Variants in KCNIP4 observed in about 807,000 individuals in gnomAD.
KCNIP4 encodes potassium voltage-gated channel interacting protein 4, also known as Kv channel-interacting protein 4.
KCNIP4 carries 12 observed loss-of-function variants against 34.0 expected under a neutral mutation model. That is an observed-to-expected ratio of 0.35 (90% confidence interval 0.23 to 0.57). The LOEUF (loss-of-function observed/expected upper bound fraction) is 0.57. KCNIP4 is among the 20% of genes least tolerant of loss of function. The pLI, the probability that KCNIP4 is intolerant of heterozygous loss-of-function variation, is 0.83. For missense variants in KCNIP4, 238 were observed against 311.7 expected, an observed-to-expected ratio of 0.76 and a Z score of 1.78; for synonymous variants, 124 against 102.2, an observed-to-expected ratio of 1.21 and a Z score of -1.29.
chr4:21,727,203 C>T (rs1303247863), intron 1 of KCNIP4, among the ~76,000 whole-genome samples: 4 of 152,152 alleles, frequency 2.6e-5, no homozygotes, highest in Non-Finnish European at 4.4e-5. Context: ...CATGAGGACT[C>T]TTCCTTTCTG....
chr4:21,268,661 T>C (rs1761961581), intron 1 of KCNIP4, among the ~76,000 whole-genome samples: 1 of 152,208 alleles, frequency 6.6e-6, no homozygotes, highest in Non-Finnish European at 1.5e-5. Context: ...TTCTTTTACA[T>C]GTGGCCTTTG....
intron 1 of KCNIP4, among the ~76,000 whole-genome samples, chr4:20,936,415 T>G (rs1397337456): frequency 4.5e-4 from 3 of 6,680 alleles, no homozygotes; most frequent in Non-Finnish European, 9.8e-4. Context: ...AAAAGATATG[T>G]TTTTTTTTTC....
At chr4:21,742,240 G>T (rs576176484) in intron 1 of KCNIP4, among the ~76,000 whole-genome samples, 1 of 152,132 alleles carries the variant, frequency 6.6e-6, no homozygotes, top group East Asian at 1.9e-4. Context: ...GCATTACATA[G>T]AGAGAGGGTC....
intron 3 of KCNIP4, among the ~76,000 whole-genome samples, chr4:20,835,120 T>C (rs1300627711): frequency 6.6e-6 from 1 of 152,202 alleles, no homozygotes; most frequent in Non-Finnish European, 1.5e-5. Context: ...GTCCTTATCT[T>C]GCTTGTCTGC....
intron 1 of KCNIP4, among the ~76,000 whole-genome samples, chr4:21,012,941 G>A (rs112724049): frequency 6.6e-6 from 1 of 152,284 alleles, no homozygotes; most frequent in African/African-American, 2.4e-5. Context: ...TAATTCCAAG[G>A]TGTGACTCAC....
At chr4:20,731,499 A>AT (rs993567519) in intron 8 of KCNIP4, 69 of 984,678 alleles carry the variant, frequency 7.0e-5, no homozygotes, top group Admixed American at 6.2e-5. Context: ...TCCACTGTTT[A>AT]TTTTTTGTGA....
intron 1 of KCNIP4, among the ~76,000 whole-genome samples, chr4:21,289,017 G>T (rs1255754878): frequency 6.6e-6 from 1 of 152,036 alleles, no homozygotes; most frequent in Non-Finnish European, 1.5e-5. Flanking sequence ...TTATTGACTG[G>T]GTTTGGATGA....
chr4:21,126,617 C>CAAAAAAAAAAAAAAAA (rs71655615), intron 1 of KCNIP4, among the ~76,000 whole-genome samples: 7 of 82,054 alleles, frequency 8.5e-5, no homozygotes, highest in African/African-American at 2.6e-4. Context: ...AGAGAAATAG[C>CAAAAAAAAAAAAAAAA]AAAAAAAAAA....
rs114200030 is a variant in KCNIP4, at chr4:20,948,019, G to A, written c.62-65310C>T. Among the ~76,000 whole-genome samples, 787 of 152,156 alleles carry A rather than the reference G, an allele frequency of 5.2e-3. 9 individuals are homozygous for A. Among genetic ancestry groups the A allele is most frequent in the African/African-American group, 0.018 (740 of 41,516 alleles). Reference sequence around the variant, plus strand: ...AACTCTTGCCTTTTCTCTTTTCCAGGGTTGCCATGGAAAGCCAACGAGGGG... The same window carrying A: ...AACTCTTGCCTTTTCTCTTTTCCAGAGTTGCCATGGAAAGCCAACGAGGGG... On this transcript the variant is annotated intron_variant, in intron 1 of 8. Coordinates refer to ENST00000382152, the MANE Select transcript of KCNIP4 (RefSeq NM_025221.6).
intron 1 of KCNIP4, among the ~76,000 whole-genome samples, chr4:21,344,993 G>A (rs768730136): frequency 2.6e-5 from 4 of 152,096 alleles, no homozygotes; most frequent in South Asian, 2.1e-4. Flanking sequence ...TACTGTTTTC[G>A]ATATTCTTCT....
chr4:21,273,777 G>A (rs961625981), intron 1 of KCNIP4, among the ~76,000 whole-genome samples: 4 of 152,038 alleles, frequency 2.6e-5, no homozygotes, highest in African/African-American at 4.8e-5. Flanking sequence ...ATGAAAGGTG[G>A]ATCACTCGTT....
chr4:21,719,347 C>T (rs2109092086), intron 1 of KCNIP4, among the ~76,000 whole-genome samples: 1 of 152,236 alleles, frequency 6.6e-6, no homozygotes, highest in South Asian at 2.1e-4. Context: ...GCTGCTGTTT[C>T]AGCTGCTGCT....
chr4:20,836,705 T>C (rs1719072320), intron 3 of KCNIP4, among the ~76,000 whole-genome samples: 1 of 152,172 alleles, frequency 6.6e-6, no homozygotes, highest in Non-Finnish European at 1.5e-5. Flanking sequence ...AGTCAACTGA[T>C]TATAGATGTT....
chr4:21,066,703 C>T (rs998101781), intron 1 of KCNIP4, among the ~76,000 whole-genome samples: 2 of 152,294 alleles, frequency 1.3e-5, no homozygotes, highest in East Asian at 1.9e-4. Flanking sequence ...TAGACCAACC[C>T]TAGCCAGAGG....
chr4:21,602,993 T>C (rs1577675531), intron 1 of KCNIP4, among the ~76,000 whole-genome samples: 2 of 152,192 alleles, frequency 1.3e-5, no homozygotes, highest in African/African-American at 4.8e-5. Flanking sequence ...CATCTACATA[T>C]CTATTCAGCT....
chr4:21,049,141 G>A (rs1445255267), intron 1 of KCNIP4, among the ~76,000 whole-genome samples: 1 of 150,804 alleles, frequency 6.6e-6, no homozygotes, highest in Non-Finnish European at 1.5e-5. Context: ...TAGTAGAGAC[G>A]GGGTTTCACC....
intron 1 of KCNIP4, among the ~76,000 whole-genome samples, chr4:21,389,497 C>A (rs144610323): frequency 0.03 from 4,115 of 136,562 alleles, 162 homozygotes; most frequent in African/African-American, 0.093. Context: ...GTTCCTCTTC[C>A]TGTGTCCAAG....
At chr4:20,893,408 A>G (rs749482859) in intron 1 of KCNIP4, among the ~76,000 whole-genome samples, 15 of 151,838 alleles carry the variant, frequency 9.9e-5, no homozygotes, top group Non-Finnish European at 2.1e-4. Flanking sequence ...AAGTAACAAC[A>G]TCACTGAGCC....
At chr4:20,772,945 C>G (rs565416869) in intron 3 of KCNIP4, among the ~76,000 whole-genome samples, 3 of 151,826 alleles carry the variant, frequency 2.0e-5, no homozygotes, top group African/African-American at 7.2e-5. Flanking sequence ...CTTTCCCTTT[C>G]TTATTGCCAT....
Sources: allele counts gnomAD v4.1 joint callset (sites outside exome capture counted in the v4.1 genomes callset), GRCh38; gene constraint gnomAD v4.1.1; transcripts MANE v1.5; gene names NCBI Gene and HGNC (gene_info 2026-07-23, HGNC 2026-07-21).